Variants in DLEC1 observed in about 807,000 individuals in gnomAD.
The protein encoded by DLEC1 is deleted in lung and esophageal cancer protein 1.
A neutral mutation model predicts 198.1 loss-of-function variants in DLEC1; 146 were observed. The ratio of observed to expected loss-of-function variants is 0.74; its 90% CI spans 0.64 to 0.85. The LOEUF (loss-of-function observed/expected upper bound fraction) is 0.85. Ranked by LOEUF, DLEC1 falls within the 40% of genes least tolerant of loss-of-function variation. The probability of loss-of-function intolerance (pLI) is 0.00; values close to 1 mark genes in which losing one functional copy is unlikely to be tolerated. For missense variants in DLEC1, 2,233 were observed against 2,220.0 expected (o/e 1.01, Z -0.12); for synonymous variants, 897 against 866.8 (o/e 1.03, Z -0.61).
intron 25 of DLEC1, 87 bp from the exon 26 acceptor site, chr3:38,114,255 G>A: frequency 1.5e-6 from 2 of 1,333,448 alleles, no homozygotes; most frequent in East Asian, 2.3e-5. Flanking sequence ...GGGCCCCTGG[G>A]CTGGCTGGAC....
Position 38,111,682 on chromosome 3 carries a change from A to C in DLEC1, c.3449A>C (p.Asn1150Thr), listed in dbSNP as rs1364481220. 6.2e-7 allele frequency: 1 copy of C among 1,613,100 alleles called. No homozygotes were observed. Among genetic ancestry groups the C allele is most frequent in the Non-Finnish European group, 8.5e-7 (1 of 1,179,582 alleles). Residue 1150 changes from asparagine (N) to threonine (T), a missense_variant, in exon 24 of 37, where the codon AAC (asparagine) becomes ACC (threonine). Physicochemically the swap from Asn to Thr is moderately conservative, Grantham distance 65. Transcript: ENST00000308059. Reference sequence around the variant, plus strand: ...CTGTGTCTCCACTTGTAAAGTCCCAACATGCCTCCTGCCCTGCTAAAGACA... The same window carrying C: ...CTGTGTCTCCACTTGTAAAGTCCCACCATGCCTCCTGCCCTGCTAAAGACA... ...NSLSKKTSLP[N>T]MPPALLKTVR...
Position 38,062,477 on chromosome 3 carries a change from G to C in DLEC1, c.874-104G>C, listed in dbSNP as rs369795790. On this transcript the variant is annotated intron_variant, in intron 4 of 36. Transcript: ENST00000308059. The stretch of plus-strand genomic sequence containing the variant: ...TGTGATGAATCCATCGCAAAATAGA[G>C]TAGAGCTTGTGTTGGCCATCTATGG... 2.5e-6 allele frequency: 4 copies of C among 1,575,566 alleles called. No homozygotes were observed. The East Asian group carries it at 9.0e-5, about 35-fold the overall frequency.
At chr3:38,096,507 G>C (rs972905326) in intron 14 of DLEC1, 62 bp from the exon 15 acceptor site, 1 of 1,545,764 alleles carries the variant, frequency 6.5e-7, no homozygotes. Context: ...ACAGAGGCAG[G>C]GACACTCTAG....
chr3:38,063,707 C>T (rs1018247276), intron 5 of DLEC1, 134 bp from the exon 6 acceptor site: 2 of 619,216 alleles, frequency 3.2e-6, no homozygotes, highest in Non-Finnish European at 2.8e-6. Flanking sequence ...CCAAAAACCC[C>T]CCAACAAATG....
Position 38,116,766 on chromosome 3 carries a change from G to A in DLEC1, c.4063-7G>A, listed in dbSNP as rs781672282. 2 of 1,610,090 alleles carry A rather than the reference G, an allele frequency of 1.2e-6. No individual in the cohort carries two copies. The highest frequency in any genetic ancestry group is 1.7e-6 in the Non-Finnish European group (2 of 1,177,424). ...CTGCGTGAACCTCAGTGATTCCTTG[G>A]TGACAGGTTGAGGGCAGCTCCAGTG... On this transcript the variant is annotated splice_region_variant and splice_polypyrimidine_tract_variant and intron_variant, in intron 28 of 36. Coordinates refer to ENST00000308059, the MANE Select transcript of DLEC1 (RefSeq NM_007335.4).
At position 38,086,286 on chromosome 3, in the gene DLEC1, A is replaced by G; in HGVS notation, c.1481A>G (p.Lys494Arg). 1 of 1,612,994 alleles carries G rather than the reference A, an allele frequency of 6.2e-7. No individual in the cohort carries two copies. The highest frequency in any genetic ancestry group is 8.5e-7 in the Non-Finnish European group (1 of 1,179,394). Residue 494 changes from lysine (K) to arginine (R), a missense_variant, in exon 9 of 37, where the codon AAG becomes AGG. Lys to Arg is a conservative substitution (Grantham distance 26). Transcript: ENST00000308059. ...DCGYCLIGGVKMTRFICKNVG... is the reference protein window; with the variant it reads ...DCGYCLIGGVRMTRFICKNVG... ...GGTTACTGCCTCATTGGGGGAGTCA[A>G]GATGACCAGATTCATCTGCAAAAAT...
chr3:38,060,990 T>G lies in DLEC1; in HGVS notation c.673+1138T>G, dbSNP rs114680900. The stretch of plus-strand genomic sequence containing the variant: ...ATGAGCCACCGCACCCGGCCACCAC[T>G]TAGTATTTTAAAGTTAGTTGGAAAC... On this transcript the variant is annotated intron_variant, in intron 3 of 36. Coordinates refer to ENST00000308059, the MANE Select transcript of DLEC1 (RefSeq NM_007335.4). Among the ~76,000 whole-genome samples, 880 of 151,942 alleles carry G rather than the reference T, an allele frequency of 5.8e-3. 9 individuals are homozygous for G. The highest frequency in any genetic ancestry group is 7.7e-3 in the Non-Finnish European group (524 of 67,940).
chr3:38,116,090 T>C (rs1468914618), intron 27 of DLEC1, among the ~76,000 whole-genome samples: 1 of 151,348 alleles, frequency 6.6e-6, no homozygotes, highest in African/African-American at 2.4e-5. Context: ...GGCTGATGGA[T>C]AGATGGGGAG....
rs1700600145 is a variant in DLEC1 at position 38,123,759 on chromosome 3, T to C, written c.*1347T>C. 6.6e-6 allele frequency: 1 copy of C among 152,198 alleles called. No homozygotes were observed. Among genetic ancestry groups the C allele is most frequent in the South Asian group, 2.1e-4 (1 of 4,836 alleles). The allele number at this position is 152,198 out of a possible 1,614,324, so 9.4% of individuals were successfully genotyped here. On this transcript the variant is annotated 3_prime_UTR_variant, in exon 37 of 37. Transcript: ENST00000308059. ...GGCTCAAACCTGTAATCCCAACACT[T>C]TGGGAGGCCGAGGCGGGAGGATCAC...
At chr3:38,078,365 G>A (rs550054721) in intron 6 of DLEC1, among the ~76,000 whole-genome samples, 68 of 152,298 alleles carry the variant, frequency 4.5e-4, no homozygotes, top group African/African-American at 1.5e-3. Flanking sequence ...GCCGCTGCAC[G>A]CAGACATGAG....
At chr3:38,093,014 G>C in intron 11 of DLEC1, 134 bp downstream of exon 11, 1 of 816,422 alleles carries the variant, frequency 1.2e-6, no homozygotes, top group Non-Finnish European at 2.0e-6. Flanking sequence ...GAATGCTGCA[G>C]CCTCCAGGTG....
At chr3:38,118,392 G>A (rs1409196655) in intron 33 of DLEC1, among the ~76,000 whole-genome samples, 2 of 152,200 alleles carry the variant, frequency 1.3e-5, no homozygotes, top group African/African-American at 4.8e-5. Context: ...GTCCTCCTGT[G>A]CAAGCTCAGG....
Position 38,100,367 on chromosome 3 carries a change from C to T in DLEC1, c.2806C>T (p.Leu936=), listed in dbSNP as rs755330933. ...CAGGGTGGACATCACCTTGGAGGCC[C>T]TGCACTGCCAGCATCTGGAGACCGT... The part of the protein sequence containing the change: ...ECRVDITLEA[L]HCQHLETVLE... The change falls in exon 19 of 37, where the codon CTG becomes TTG. Residue 936 remains leucine (L), a synonymous_variant. Transcript: ENST00000308059. 1.9e-6 allele frequency: 3 copies of T among 1,613,986 alleles called. No individual in the cohort carries two copies. In the Admixed American group the frequency reaches 5.0e-5, roughly 27 times the overall value.
At chr3:38,094,819 G>T in intron 12 of DLEC1, 60 bp from the exon 13 acceptor site, 1 of 1,578,198 alleles carries the variant, frequency 6.3e-7, no homozygotes, top group Non-Finnish European at 8.6e-7. Flanking sequence ...GGAGGCATGG[G>T]GTGGAGGGAC....
At chr3:38,076,881 G>A (rs1399770480) in intron 6 of DLEC1, among the ~76,000 whole-genome samples, 1 of 152,186 alleles carries the variant, frequency 6.6e-6, no homozygotes, top group Non-Finnish European at 1.5e-5. Flanking sequence ...GGGCAGCGTG[G>A]GAACCTAGAG....
chr3:38,078,730 T>G (rs963012663), intron 6 of DLEC1, among the ~76,000 whole-genome samples: 4 of 152,010 alleles, frequency 2.6e-5, no homozygotes, highest in Admixed American at 6.6e-5. Context: ...GGATGAAGGG[T>G]GCAAAGGAAT....
In DLEC1 at chr3:38,111,817, G is replaced by A. The variant is rs892515834; in HGVS notation, c.3514+70G>A. 2.3e-5 allele frequency: 35 copies of A among 1,533,938 alleles called. No individual in the cohort carries two copies. The African/African-American group carries it at 4.2e-4, about 19-fold the overall frequency. ...GAGCCACAGCCTTCTGTGGATGTGG[G>A]CTGGCAGCTGCCAGGGAGCGGGACC... is the stretch of plus-strand genomic sequence containing the variant. On this transcript the variant is annotated intron_variant, in intron 24 of 36. Coordinates refer to ENST00000308059, the MANE Select transcript of DLEC1 (RefSeq NM_007335.4).
intron 6 of DLEC1, among the ~76,000 whole-genome samples, chr3:38,069,585 A>G (rs560743138): frequency 1.3e-5 from 2 of 152,260 alleles, no homozygotes; most frequent in African/African-American, 4.8e-5. Flanking sequence ...GGCTCTGCTG[A>G]GCCTATTATT....
At chr3:38,078,075 G>A (rs1337736519) in intron 6 of DLEC1, among the ~76,000 whole-genome samples, 3 of 152,060 alleles carry the variant, frequency 2.0e-5, no homozygotes, top group African/African-American at 7.2e-5. Context: ...GGAAATATGG[G>A]GAAATGGGGT....
Sources: allele counts gnomAD v4.1 joint callset (sites outside exome capture counted in the v4.1 genomes callset), GRCh38; gene constraint gnomAD v4.1.1; transcripts MANE v1.5; gene names NCBI Gene and HGNC (gene_info 2026-07-23, HGNC 2026-07-21).